Variants in NXPE4 observed in about 807,000 individuals in gnomAD.
The protein encoded by NXPE4 is NXPE family member 4.
Under a neutral mutation model 33.3 loss-of-function variants are expected in NXPE4, and 42 were observed. The ratio of observed to expected loss-of-function variants is 1.26; its 90% confidence interval spans 0.98 to 1.63. The LOEUF is 1.63. Ranked by LOEUF, NXPE4 falls within the 40% of genes most tolerant of loss-of-function variation. The pLI is 0.00. For synonymous variants in NXPE4, 253 were observed against 234.9 expected (o/e 1.08, Z -0.71); for missense variants, 709 against 647.6 (o/e 1.09, Z -1.03).
chr11:114,672,811 C>A, the NXPE4 span, among the ~76,000 whole-genome samples: 2 of 151,204 alleles, frequency 1.3e-5, no homozygotes, highest in South Asian at 4.2e-4. Flanking sequence ...CATATATAAA[C>A]GAAAACCTAC....
the NXPE4 span, among the ~76,000 whole-genome samples, chr11:114,632,608 T>A: frequency 7.7e-5 from 8 of 103,710 alleles, no homozygotes; most frequent in Non-Finnish European, 1.2e-4. Flanking sequence ...TATATATTTA[T>A]ATTTTATATA....
the NXPE4 span, among the ~76,000 whole-genome samples, chr11:114,639,256 T>C: frequency 4.6e-5 from 7 of 152,006 alleles, no homozygotes; most frequent in African/African-American, 1.7e-4. Context: ...TCTGTGGGCA[T>C]AGGACCCTCC....
chr11:114,614,644 C>T, the NXPE4 span, among the ~76,000 whole-genome samples: 1 of 151,056 alleles, frequency 6.6e-6, no homozygotes, highest in Non-Finnish European at 1.5e-5. Flanking sequence ...TAAGTATTGC[C>T]TTGTGGGTAT....
chr11:114,619,997 T>C, the NXPE4 span, among the ~76,000 whole-genome samples: 20 of 152,124 alleles, frequency 1.3e-4, no homozygotes, highest in African/African-American at 4.1e-4. Flanking sequence ...ATAGTTAGTA[T>C]TGCCTCGTGG....
the NXPE4 span, among the ~76,000 whole-genome samples, chr11:114,620,317 T>G: frequency 1.3e-5 from 2 of 150,918 alleles, no homozygotes; most frequent in East Asian, 4.0e-4. Context: ...CACTGTTACC[T>G]GGTGGATAAT....
At chr11:114,620,867 T>C in the NXPE4 span, among the ~76,000 whole-genome samples, 1 of 152,148 alleles carries the variant, frequency 6.6e-6, no homozygotes, top group African/African-American at 2.4e-5. Flanking sequence ...TGTTACCCGA[T>C]GGATAATAAG....
chr11:114,635,754 T>C, the NXPE4 span, among the ~76,000 whole-genome samples: 3 of 152,112 alleles, frequency 2.0e-5, no homozygotes, highest in Non-Finnish European at 4.4e-5. Context: ...TCTGTTTATA[T>C]GCTGGATTAC....
intron 3 of NXPE4, 51 bp downstream of exon 3, chr11:114,582,237 G>C: frequency 6.6e-7 from 1 of 1,519,530 alleles, no homozygotes; most frequent in Non-Finnish European, 8.8e-7. Context: ...TCAGTATATA[G>C]GCCAAATCAC....
chr11:114,674,051 G>A, the NXPE4 span, among the ~76,000 whole-genome samples: 1 of 151,546 alleles, frequency 6.6e-6, no homozygotes, highest in Non-Finnish European at 1.5e-5. Context: ...AATTTCAAAA[G>A]GAGAGAAGGG....
the NXPE4 span, among the ~76,000 whole-genome samples, chr11:114,601,813 AATT>A: frequency 1.4e-5 from 1 of 73,396 alleles, no homozygotes; most frequent in Non-Finnish European, 2.3e-5. Flanking sequence ...TATATTATAT[AATT>A]ATATATAATA....
At chr11:114,609,719 T>C in the NXPE4 span, among the ~76,000 whole-genome samples, 1 of 151,780 alleles carries the variant, frequency 6.6e-6, no homozygotes, top group South Asian at 2.1e-4. Context: ...CGGTGGATAA[T>C]AAGTATTGCC....
At chr11:114,598,779 G>A (rs112571449), upstream of NXPE4, among the ~76,000 whole-genome samples, 33 of 152,038 alleles carry the variant, frequency 2.2e-4, no homozygotes, top group African/African-American at 6.8e-4. Context: ...TCCCTTCTAG[G>A]CCTGCAGGTC....
At chr11:114,596,029 G>C (rs1949567520), upstream of NXPE4, among the ~76,000 whole-genome samples, 1 of 152,132 alleles carries the variant, frequency 6.6e-6, no homozygotes. Context: ...ATAAATAACT[G>C]ATGAGAAAAA....
the NXPE4 span, among the ~76,000 whole-genome samples, chr11:114,643,511 G>A: frequency 1.3e-5 from 2 of 152,006 alleles, no homozygotes; most frequent in African/African-American, 4.8e-5. Flanking sequence ...TATTAAATAC[G>A]GAATCCTTTC....
At chr11:114,622,727 C>T in the NXPE4 span, among the ~76,000 whole-genome samples, 2 of 150,454 alleles carry the variant, frequency 1.3e-5, no homozygotes, top group Non-Finnish European at 3.0e-5. Context: ...CGTGTTCCCT[C>T]GTGTGTAACC....
rs1219187309 is a variant in NXPE4 at position 114,570,726 on chromosome 11, C to G, written c.*212G>C. 6.6e-6 allele frequency: 3 copies of G among 452,610 alleles called. No individual in the cohort carries two copies. The highest frequency in any genetic ancestry group is 3.9e-5 in the Admixed American group (1 of 25,756). 28.0% of individuals were successfully genotyped at this position (452,610 alleles called of 1,614,324 possible). A position where few individuals can be genotyped will look rare whatever the true frequency, so the allele number is the denominator to read the frequency against. On this transcript the variant is annotated 3_prime_UTR_variant, in exon 6 of 6. Coordinates refer to ENST00000375478, the MANE Select transcript of NXPE4 (RefSeq NM_001077639.2). ...TGGCTCTGATCAAGAAGGGTAGGCTCTTTTCATGAGTATTTTTAGTTTTAT... is the reference window on the plus strand; with the variant it reads ...TGGCTCTGATCAAGAAGGGTAGGCTGTTTTCATGAGTATTTTTAGTTTTAT...
intron 5 of NXPE4, 133 bp downstream of exon 5, chr11:114,579,999 T>C: frequency 1.4e-6 from 1 of 728,502 alleles, no homozygotes; most frequent in Non-Finnish European, 2.4e-6. Flanking sequence ...TAACAATGCC[T>C]TGTGAAAAAT....
chr11:114,610,071 G>T, the NXPE4 span, among the ~76,000 whole-genome samples: 1 of 151,780 alleles, frequency 6.6e-6, no homozygotes, highest in South Asian at 2.1e-4. Context: ...TTGCCTCATG[G>T]GTAACCACTG....
intron 4 of NXPE4, 27 bp from the exon 5 acceptor site, chr11:114,580,365 C>G (rs369794502): frequency 6.3e-7 from 1 of 1,593,862 alleles, no homozygotes; most frequent in Non-Finnish European, 8.6e-7. Context: ...GAGATAGGAT[C>G]TTCCAAAACA....
Sources: gnomAD v4.1 joint callset for allele counts (sites outside exome capture counted in the v4.1 genomes callset) on GRCh38, gnomAD v4.1.1 for gene constraint, MANE v1.5 for transcripts, NCBI Gene and HGNC (gene_info 2026-07-23, HGNC 2026-07-21) for gene names.